Variants in MPPED2 observed in about 807,000 individuals in gnomAD.
MPPED2 encodes the protein metallophosphoesterase MPPED2.
Under a neutral mutation model 33.0 loss-of-function variants are expected in MPPED2, and 5 were observed. The observed-to-expected ratio is 0.15, with a 90% CI of 0.08 to 0.32. The LOEUF (loss-of-function observed/expected upper bound fraction) is 0.32. Among genes scored for constraint, MPPED2 ranks in the 10% least tolerant of loss-of-function variants. The pLI, the probability that MPPED2 is intolerant of heterozygous loss-of-function variation, is 1.00. For synonymous variants in MPPED2, 136 were observed against 141.9 expected, an observed-to-expected ratio of 0.96 and a Z score of 0.29; for missense variants, 275 against 372.1, an observed-to-expected ratio of 0.74 and a Z score of 2.15.
At chr11:30,513,332 GC>G (rs1279095591) in intron 3 of MPPED2, among the ~76,000 whole-genome samples, 1 of 152,060 alleles carries the variant, frequency 6.6e-6, no homozygotes, top group Non-Finnish European at 1.5e-5. Flanking sequence ...TTTTGGTCAG[GC>G]CTTGTCTTCT....
At chr11:30,539,920 C>G (rs538498863) in intron 2 of MPPED2, among the ~76,000 whole-genome samples, 4 of 152,174 alleles carry the variant, frequency 2.6e-5, no homozygotes, top group African/African-American at 9.6e-5. Context: ...GAGCCACCCC[C>G]ACCTGGCTTC....
chr11:30,488,031 C>A (rs1951819371), intron 4 of MPPED2, among the ~76,000 whole-genome samples: 1 of 152,116 alleles, frequency 6.6e-6, no homozygotes, highest in South Asian at 2.1e-4. Context: ...GTCTAGCAAA[C>A]TCCGCAAAGG....
At chr11:30,432,369 CTG>C (rs1161984929) in intron 4 of MPPED2, among the ~76,000 whole-genome samples, 2 of 152,186 alleles carry the variant, frequency 1.3e-5, no homozygotes, top group African/African-American at 4.8e-5. Flanking sequence ...AAAACAGACT[CTG>C]TTTTATAAAT....
chr11:30,482,245 T>C (rs980193350), intron 4 of MPPED2, among the ~76,000 whole-genome samples: 1 of 152,236 alleles, frequency 6.6e-6, no homozygotes, highest in East Asian at 1.9e-4. Flanking sequence ...TTTCTGACTA[T>C]ATTAGTATAT....
intron 4 of MPPED2, among the ~76,000 whole-genome samples, chr11:30,489,180 A>G (rs1481106430): frequency 9.2e-5 from 14 of 151,804 alleles, no homozygotes; most frequent in Admixed American, 7.9e-4. Context: ...TAATCCTCTC[A>G]CTCAATATCT....
In MPPED2 at chr11:30,411,537, C is replaced by T. The variant is rs775246636; in HGVS notation, c.816G>A (p.Thr272=). ...TGGTCGGTTGAAAGCTGACTGTACA[C>T]GTCGAGGCATTGATGTACGTTGTGT... is the stretch of plus-strand genomic sequence containing the variant. The part of the protein sequence containing the change: ...DGYTTYINAS[T]CTVSFQPTNP... Residue 272 remains threonine, a synonymous_variant, in exon 7 of 7, where the codon ACG becomes ACA. Transcript: ENST00000358117. The T allele has an allele frequency of 5.0e-6, 8 of 1,613,876 alleles. No individual in the cohort carries two copies. The highest frequency in any genetic ancestry group is 1.3e-5 in the African/African-American group (1 of 75,036).
At chr11:30,560,399 G>A (rs1427959343) in intron 2 of MPPED2, among the ~76,000 whole-genome samples, 1 of 151,716 alleles carries the variant, frequency 6.6e-6, no homozygotes, top group Non-Finnish European at 1.5e-5. Context: ...ACACTGACTG[G>A]CATTTACTCT....
intron 4 of MPPED2, among the ~76,000 whole-genome samples, chr11:30,445,949 T>C (rs1590298090): frequency 6.6e-6 from 1 of 152,364 alleles, no homozygotes; most frequent in Admixed American, 6.5e-5. Context: ...CATGCAGTCT[T>C]TAAGCAACTA....
intron 2 of MPPED2, among the ~76,000 whole-genome samples, chr11:30,541,717 C>T (rs1287023442): frequency 6.6e-6 from 1 of 152,158 alleles, no homozygotes; most frequent in East Asian, 1.9e-4. Context: ...CTCAGCCTCT[C>T]AAGTAACTAC....
intron 4 of MPPED2, among the ~76,000 whole-genome samples, chr11:30,433,827 A>G (rs1334146217): frequency 6.6e-6 from 1 of 152,208 alleles, no homozygotes; most frequent in Non-Finnish European, 1.5e-5. Flanking sequence ...GCTGTAACAA[A>G]ACAACCCACA....
At chr11:30,512,994 A>T (rs576108334) in intron 3 of MPPED2, among the ~76,000 whole-genome samples, 1 of 151,566 alleles carries the variant, frequency 6.6e-6, no homozygotes, top group African/African-American at 2.4e-5. Flanking sequence ...GGGACAACAG[A>T]GGGAGACTCT....
Position 30,580,445 on chromosome 11 carries a change from C to G in MPPED2, c.-72G>C. On this transcript the variant is annotated 5_prime_UTR_variant, in exon 2 of 7. The change abolishes the stop of an existing upstream ORF in the 5' untranslated region. Coordinates refer to ENST00000358117, the MANE Select transcript of MPPED2 (RefSeq NM_001584.3). The stretch of plus-strand genomic sequence containing the variant: ...AGATGGAAGCAGGCATGGTGCGTTT[C>G]AGCCAACCTCTGAATCCAAGGATCT... The G allele has an allele frequency of 3.8e-6, 6 of 1,579,138 alleles. No homozygotes were observed. The highest frequency in any genetic ancestry group is 5.2e-6 in the Non-Finnish European group (6 of 1,159,972).
chr11:30,421,835 A>G (rs1948630106), intron 4 of MPPED2, among the ~76,000 whole-genome samples: 1 of 152,224 alleles, frequency 6.6e-6, no homozygotes, highest in Non-Finnish European at 1.5e-5. Context: ...AAGAGGTGCC[A>G]TGGAATTGTG....
intron 2 of MPPED2, among the ~76,000 whole-genome samples, chr11:30,571,190 A>G (rs1956673849): frequency 6.6e-6 from 1 of 150,958 alleles, no homozygotes; most frequent in South Asian, 2.1e-4. Context: ...AACAGCTCTG[A>G]GGCTTAATAA....
chr11:30,479,700 A>C (rs542555924), intron 4 of MPPED2, among the ~76,000 whole-genome samples: 1 of 152,184 alleles, frequency 6.6e-6, no homozygotes, highest in South Asian at 2.1e-4. Context: ...ACTAATAATA[A>C]ATTTTATGTA....
rs1006807709 is a variant in MPPED2, at chr11:30,548,835, G to A, written c.129-12660C>T. Among the ~76,000 whole-genome samples the A allele has an allele frequency of 1.1e-4, 17 of 152,146 alleles. 1 individual carries two copies. Among genetic ancestry groups the A allele is most frequent in the South Asian group, 2.1e-4 (1 of 4,828 alleles). ...AGGTTAATTCCCAGGGGGACACTGC[G>A]TTTGTCAGGTGACCTGAATTTTTCT... On this transcript the variant is annotated intron_variant, in intron 2 of 6. Coordinates refer to ENST00000358117, the MANE Select transcript of MPPED2 (RefSeq NM_001584.3).
chr11:30,585,146 T>A (rs1957400104), intron 1 of MPPED2, among the ~76,000 whole-genome samples: 1 of 152,162 alleles, frequency 6.6e-6, no homozygotes, highest in Admixed American at 6.5e-5. Flanking sequence ...TCAAAGGCTT[T>A]ACAAAGATAA....
chr11:30,582,936 C>T (rs1957234523), intron 1 of MPPED2, among the ~76,000 whole-genome samples: 1 of 152,190 alleles, frequency 6.6e-6, no homozygotes, highest in Non-Finnish European at 1.5e-5. Flanking sequence ...AGTGCACCTG[C>T]AGCGTCTATC....
chr11:30,398,959 G>C (rs528877223), intron 6 of MPPED2, among the ~76,000 whole-genome samples: 17 of 151,958 alleles, frequency 1.1e-4, no homozygotes, highest in Non-Finnish European at 1.5e-4. Context: ...ATGTGAGGAC[G>C]ATCATACATC....
Sources: gnomAD v4.1 joint callset for allele counts (sites outside exome capture counted in the v4.1 genomes callset) on GRCh38, gnomAD v4.1.1 for gene constraint, MANE v1.5 for transcripts, NCBI Gene and HGNC (gene_info 2026-07-23, HGNC 2026-07-21) for gene names.